The following MAP3K5 variants were observed in gnomAD, a reference collection of about 807,000 sequenced individuals.
MAP3K5 encodes the protein mitogen-activated protein kinase kinase kinase 5.
MAP3K5 carries 56 observed loss-of-function variants against 158.7 expected under a neutral mutation model. The ratio of observed to expected loss-of-function variants is 0.35; its 90% CI spans 0.28 to 0.44. The LOEUF (loss-of-function observed/expected upper bound fraction) is 0.44, where lower values mean the gene tolerates loss of function less well. MAP3K5 is among the 20% of genes least tolerant of loss of function. MAP3K5 has a pLI of 1.00. For missense variants in MAP3K5, 1,294 were observed against 1,674.8 expected (o/e 0.77, Z 3.97); for synonymous variants, 579 against 601.7 (o/e 0.96, Z 0.55).
intron 7 of MAP3K5, among the ~76,000 whole-genome samples, chr6:136,674,113 T>G (rs1779602095): frequency 6.6e-6 from 1 of 151,588 alleles, no homozygotes; most frequent in South Asian, 2.1e-4. Context: ...GTGACATCTT[T>G]AGAGTAATAA....
chr6:136,706,367 G>C (rs1250556735), intron 2 of MAP3K5, among the ~76,000 whole-genome samples: 2 of 152,126 alleles, frequency 1.3e-5, no homozygotes, highest in South Asian at 2.1e-4. Context: ...TACAGTGCCT[G>C]ACACATAAAA....
At chr6:136,561,173 T>G (rs1415875669) in intron 28 of MAP3K5, among the ~76,000 whole-genome samples, 2 of 152,116 alleles carry the variant, frequency 1.3e-5, no homozygotes, top group Non-Finnish European at 2.9e-5. Flanking sequence ...CACAAGGTTC[T>G]TCCCTGGTCT....
chr6:136,729,285 C>T (rs563443522), intron 1 of MAP3K5, among the ~76,000 whole-genome samples: 1 of 152,346 alleles, frequency 6.6e-6, no homozygotes, highest in South Asian at 2.1e-4. Flanking sequence ...TGTTCTTTGA[C>T]TTCCAGTGTT....
At chr6:136,758,395 C>G (rs190256382) in intron 1 of MAP3K5, among the ~76,000 whole-genome samples, 1 of 152,174 alleles carries the variant, frequency 6.6e-6, no homozygotes, top group Non-Finnish European at 1.5e-5. Flanking sequence ...GAAAACTGAA[C>G]GAAAATGACA....
chr6:136,759,332 G>T (rs1047573512), intron 1 of MAP3K5, among the ~76,000 whole-genome samples: 4 of 151,430 alleles, frequency 2.6e-5, no homozygotes, highest in Non-Finnish European at 4.4e-5. Context: ...AATGTACCAT[G>T]TTCCTATAAA....
At chr6:136,781,029 G>T (rs1321662021) in intron 1 of MAP3K5, among the ~76,000 whole-genome samples, 2 of 152,100 alleles carry the variant, frequency 1.3e-5, no homozygotes, top group African/African-American at 4.8e-5. Context: ...AATAATAAAT[G>T]CTTACAAAAT....
chr6:136,757,929 G>C (rs1783579397), intron 1 of MAP3K5, among the ~76,000 whole-genome samples: 1 of 152,070 alleles, frequency 6.6e-6, no homozygotes, highest in Admixed American at 6.6e-5. Context: ...TGAAATATCT[G>C]AATATATTTT....
At chr6:136,585,473 CTTTATTTATTTATTTA>C (rs554195273) in intron 23 of MAP3K5, among the ~76,000 whole-genome samples, 11 of 135,146 alleles carry the variant, frequency 8.1e-5, no homozygotes, top group East Asian at 4.8e-4. Flanking sequence ...CTTTTCTTTT[CTTTATTTATTTATTTA>C]TTTATTTATT....
intron 19 of MAP3K5, among the ~76,000 whole-genome samples, chr6:136,604,515 C>T (rs939995790): frequency 1.7e-4 from 26 of 152,072 alleles, no homozygotes; most frequent in Non-Finnish European, 4.4e-5. Context: ...TTTCAAACTT[C>T]CTGTTGGCCT....
chr6:136,677,120 A>C (rs1418783210), intron 7 of MAP3K5, among the ~76,000 whole-genome samples: 3 of 146,956 alleles, frequency 2.0e-5, no homozygotes, highest in Non-Finnish European at 3.0e-5. Context: ...TGTTAAAATA[A>C]TGATGATATC....
chr6:136,604,411 AAAAT>A lies in MAP3K5; in HGVS notation c.2679+794_2679+797del, dbSNP rs530785576. Reference sequence around the variant, plus strand: ...CCTTGGATCCCACAGGGGAGCACAAAAAATAAATAAATAAATAAATAATTTTTTT... The same window carrying A: ...CCTTGGATCCCACAGGGGAGCACAAAAAATAAATAAATAAATAATTTTTTT... On this transcript the variant is annotated intron_variant, in intron 19 of 29. Coordinates refer to ENST00000359015, the MANE Select transcript of MAP3K5 (RefSeq NM_005923.4). Among the ~76,000 whole-genome samples the A allele has an allele frequency of 6.1e-3, 924 of 152,196 alleles. 25 individuals carry two copies. The highest frequency in any genetic ancestry group is 0.055 in the Admixed American group (843 of 15,280).
chr6:136,689,433 C>T (rs1178529558), intron 7 of MAP3K5, among the ~76,000 whole-genome samples: 1 of 152,066 alleles, frequency 6.6e-6, no homozygotes, highest in Non-Finnish European at 1.5e-5. Flanking sequence ...AACTACTGTC[C>T]CCAAGTGTTT....
At chr6:136,753,991 G>A (rs932692333) in intron 1 of MAP3K5, among the ~76,000 whole-genome samples, 5 of 152,094 alleles carry the variant, frequency 3.3e-5, no homozygotes, top group Non-Finnish European at 5.9e-5. Context: ...TAGAAAATCC[G>A]AGGCTGGGTG....
rs1227786283 is a variant in MAP3K5 at position 136,650,997 on chromosome 6, A to G, written c.1775T>C (p.Leu592Pro). ...EEKTISIWHVLPDDKKGIHEW... is the reference protein window; with the variant it reads ...EEKTISIWHVPPDDKKGIHEW... The stretch of plus-strand genomic sequence containing the variant: ...TGCACAATTTACCTTGTCATCAGGA[A>G]GCACGTGCCAAATAGAGATTGTCTT... Residue 592 changes from leucine to proline, a missense_variant, in exon 11 of 30, where the codon CTT becomes CCT. By Grantham distance (98) the Leu-to-Pro change is moderately conservative. Transcript: ENST00000359015. 2 of 1,596,978 alleles carry G rather than the reference A, an allele frequency of 1.3e-6. No homozygotes were observed. The highest frequency in any genetic ancestry group is 1.7e-6 in the Non-Finnish European group (2 of 1,165,524).
chr6:136,745,208 T>A (rs1324796998), intron 1 of MAP3K5, among the ~76,000 whole-genome samples: 1 of 151,782 alleles, frequency 6.6e-6, no homozygotes, highest in Non-Finnish European at 1.5e-5. Context: ...TGTATCTTGT[T>A]TAGAAAAGTT....
At chr6:136,586,308 G>A (rs1320079605) in intron 23 of MAP3K5, among the ~76,000 whole-genome samples, 1 of 152,230 alleles carries the variant, frequency 6.6e-6, no homozygotes, top group Non-Finnish European at 1.5e-5. Flanking sequence ...GTTGCAACAT[G>A]TTTGCCAATA....
At chr6:136,583,487 T>A in intron 24 of MAP3K5, 68 bp downstream of exon 24, 3 of 1,369,032 alleles carry the variant, frequency 2.2e-6, no homozygotes, top group Non-Finnish European at 3.0e-6. Flanking sequence ...TAACAGAACT[T>A]ATGTTTTATC....
At chr6:136,695,382 G>A (rs575602109) in intron 6 of MAP3K5, among the ~76,000 whole-genome samples, 6 of 152,214 alleles carry the variant, frequency 3.9e-5, no homozygotes, top group Admixed American at 3.3e-4. Flanking sequence ...CAGGCAATCC[G>A]ACCACCTTGG....
chr6:136,571,485 A>G (rs1230889321), intron 25 of MAP3K5, among the ~76,000 whole-genome samples: 1 of 152,200 alleles, frequency 6.6e-6, no homozygotes, highest in Non-Finnish European at 1.5e-5. Flanking sequence ...AAACCATAAA[A>G]TTATGGAATC....
Sources: gnomAD v4.1 joint callset for allele counts (sites outside exome capture counted in the v4.1 genomes callset) on GRCh38, gnomAD v4.1.1 for gene constraint, MANE v1.5 for transcripts, NCBI Gene and HGNC (gene_info 2026-07-23, HGNC 2026-07-21) for gene names.